GRIP1: variants seen among roughly 807,000 people sequenced by gnomAD.
The protein encoded by GRIP1 is glutamate receptor interacting protein 1.
In GRIP1, 45 loss-of-function variants were observed where a neutral mutation model predicts 129.9. The ratio of observed to expected loss-of-function variants is 0.35; its 90% CI spans 0.27 to 0.44. The LOEUF (loss-of-function observed/expected upper bound fraction) is 0.44, where lower values mean the gene tolerates loss of function less well. GRIP1 is among the 20% of genes least tolerant of loss of function. GRIP1 has a pLI of 1.00. For synonymous variants in GRIP1, 530 were observed against 520.8 expected (o/e 1.02, Z -0.24); for missense variants, 1,196 against 1,396.8 (o/e 0.86, Z 2.29).
intron 1 of GRIP1, among the ~76,000 whole-genome samples, chr12:66,991,614 A>C (rs908009325): frequency 6.6e-6 from 1 of 152,238 alleles, no homozygotes; most frequent in African/African-American, 2.4e-5. Flanking sequence ...GGGCACAGCC[A>C]ATTTTTCAAT....
chr12:66,500,991 G>C (rs1415063814), intron 7 of GRIP1, among the ~76,000 whole-genome samples: 1 of 152,176 alleles, frequency 6.6e-6, no homozygotes, highest in Non-Finnish European at 1.5e-5. Flanking sequence ...AAAATGCTCT[G>C]ACCTCCTGAC....
chr12:66,640,066 A>G (rs974435891), intron 1 of GRIP1, among the ~76,000 whole-genome samples: 1 of 152,146 alleles, frequency 6.6e-6, no homozygotes, highest in African/African-American at 2.4e-5. Flanking sequence ...AATTCAGCTG[A>G]AGGGTCACTT....
rs576643621 is a variant in GRIP1, at chr12:66,962,689, A to T, written c.58+106361T>A. ...TAAATATTCGAGGTCCTAAATAAAGATCCGTCTCAAAACAAAAAAGAAAAG... is the reference window on the plus strand; with the variant it reads ...TAAATATTCGAGGTCCTAAATAAAGTTCCGTCTCAAAACAAAAAAGAAAAG... On this transcript the variant is annotated intron_variant, in intron 1 of 1. Coordinates refer to the GRIP1 transcript ENST00000643019. Among the ~76,000 whole-genome samples, 6 of 152,242 alleles carry T rather than the reference A, an allele frequency of 3.9e-5. No homozygotes were observed. In the East Asian group the frequency reaches 1.2e-3, roughly 29 times the overall value.
chr12:66,354,059 G>T (rs1486741625), intron 23 of GRIP1, among the ~76,000 whole-genome samples: 1 of 152,094 alleles, frequency 6.6e-6, no homozygotes, highest in Non-Finnish European at 1.5e-5. Context: ...TATTTGCTCT[G>T]GAACCCCCAA....
chr12:66,969,583 AT>A (rs1052504363), intron 1 of GRIP1, among the ~76,000 whole-genome samples: 2 of 151,658 alleles, frequency 1.3e-5, no homozygotes, highest in African/African-American at 2.4e-5. Flanking sequence ...CGCCTGGCTA[AT>A]TTTTTTTATT....
chr12:66,983,452 T>C (rs2042266917), intron 1 of GRIP1, among the ~76,000 whole-genome samples: 1 of 152,150 alleles, frequency 6.6e-6, no homozygotes, highest in African/African-American at 2.4e-5. Context: ...TTACTGACAA[T>C]GAATGGACAT....
chr12:66,884,363 G>C (rs1298103845), intron 1 of GRIP1, among the ~76,000 whole-genome samples: 2 of 152,134 alleles, frequency 1.3e-5, no homozygotes, highest in Non-Finnish European at 2.9e-5. Context: ...GCGTATCATC[G>C]AGGACCTGTA....
chr12:66,613,819 G>A (rs2064920794), intron 1 of GRIP1, among the ~76,000 whole-genome samples: 1 of 152,098 alleles, frequency 6.6e-6, no homozygotes, highest in African/African-American at 2.4e-5. Flanking sequence ...TTCTGTGCAA[G>A]GATGAAATAA....
chr12:66,807,967 G>C (rs2039028872), upstream of GRIP1, among the ~76,000 whole-genome samples: 1 of 133,466 alleles, frequency 7.5e-6, no homozygotes. Flanking sequence ...AAAGCCCTTT[G>C]TCAATTCTTG....
chr12:66,459,032 A>G (rs536069628), intron 9 of GRIP1, among the ~76,000 whole-genome samples: 1 of 152,256 alleles, frequency 6.6e-6, no homozygotes, highest in East Asian at 1.9e-4. Context: ...AGCTTTATTT[A>G]TTTAATATAT....
intron 1 of GRIP1, among the ~76,000 whole-genome samples, chr12:66,616,334 C>CA (rs1427140219): frequency 6.6e-6 from 1 of 152,006 alleles, no homozygotes; most frequent in Non-Finnish European, 1.5e-5. Flanking sequence ...AACAAATTAA[C>CA]ATGTTAACCC....
chr12:66,917,980 A>ACG (rs1408012785), intron 1 of GRIP1, among the ~76,000 whole-genome samples: 63 of 151,338 alleles, frequency 4.2e-4, no homozygotes, highest in African/African-American at 9.4e-4. Context: ...ACACACGGAG[A>ACG]GAGAGAGAGA....
chr12:66,655,762 A>T (rs1392167763), intron 1 of GRIP1, among the ~76,000 whole-genome samples: 1 of 151,906 alleles, frequency 6.6e-6, no homozygotes, highest in African/African-American at 2.4e-5. Flanking sequence ...GGTATCCGCC[A>T]CTGCGCCCAG....
At chr12:67,020,088 A>G (rs1450107546) in intron 1 of GRIP1, among the ~76,000 whole-genome samples, 1 of 152,204 alleles carries the variant, frequency 6.6e-6, no homozygotes, top group East Asian at 1.9e-4. Flanking sequence ...CACTTTAAAT[A>G]TTAAGTGAAA....
chr12:66,624,283 T>C (rs921037345), intron 1 of GRIP1, among the ~76,000 whole-genome samples: 8 of 152,180 alleles, frequency 5.3e-5, no homozygotes, highest in Non-Finnish European at 1.2e-4. Flanking sequence ...CACCATTAAT[T>C]TGGTTTGAAT....
rs184139466 is a variant in GRIP1 at position 66,507,320 on chromosome 12, C to T, written c.724+8299G>A. 1.6e-4 allele frequency among the ~76,000 whole-genome samples: 25 copies of T among 152,230 alleles called. 1 individual carries two copies. The East Asian group carries it at 3.9e-3, about 24-fold the overall frequency. ...GGGCATGGTAGCAGGCACCTGTAGT[C>T]CCAGCTACTTGGGAGGCTGAGTCAG... On this transcript the variant is annotated intron_variant, in intron 7 of 24. Transcript: ENST00000359742.
chr12:66,419,865 G>A (rs901482850), intron 15 of GRIP1, among the ~76,000 whole-genome samples: 1 of 152,278 alleles, frequency 6.6e-6, no homozygotes, highest in Non-Finnish European at 1.5e-5. Context: ...GGAGGCTGAG[G>A]TGGGTGGATC....
chr12:66,690,841 G>A (rs1401748274), intron 1 of GRIP1, among the ~76,000 whole-genome samples: 2 of 151,726 alleles, frequency 1.3e-5, no homozygotes, highest in Non-Finnish European at 2.9e-5. Flanking sequence ...GCTAAGGCAG[G>A]AGGATTGCTT....
At chr12:66,701,985 T>A (rs2136356273) in intron 1 of GRIP1, among the ~76,000 whole-genome samples, 1 of 152,238 alleles carries the variant, frequency 6.6e-6, no homozygotes, top group East Asian at 1.9e-4. Flanking sequence ...GTGAATACAG[T>A]CATTCAGAAG....
Sources: gnomAD v4.1 joint callset for allele counts (sites outside exome capture counted in the v4.1 genomes callset) on GRCh38, gnomAD v4.1.1 for gene constraint, MANE v1.5 for transcripts, NCBI Gene and HGNC (gene_info 2026-07-23, HGNC 2026-07-21) for gene names.